Variants in GRM5 observed in about 807,000 individuals in gnomAD.
GRM5 encodes metabotropic glutamate receptor 5.
A neutral mutation model predicts 83.1 loss-of-function variants in GRM5; 19 were observed. That is an observed-to-expected ratio of 0.23 (90% CI 0.16 to 0.34). The LOEUF is 0.34. Ranked by LOEUF, GRM5 falls within the 10% of genes least tolerant of loss-of-function variation. The pLI is 1.00. For missense variants in GRM5, 1,160 were observed against 1,588.3 expected (o/e 0.73, Z 4.58); for synonymous variants, 675 against 633.6 (o/e 1.07, Z -0.98).
intron 2 of GRM5, among the ~76,000 whole-genome samples, chr11:88,903,049 T>G (rs1191912474): frequency 4.0e-5 from 6 of 149,290 alleles, no homozygotes; most frequent in Non-Finnish European, 8.9e-5. Flanking sequence ...TTACTTTAGA[T>G]AAGGTAGCCA....
intron 3 of GRM5, among the ~76,000 whole-genome samples, chr11:88,775,419 T>A (rs967218094): frequency 6.6e-6 from 1 of 152,164 alleles, no homozygotes; most frequent in Non-Finnish European, 1.5e-5. Flanking sequence ...TTTGAAGGGT[T>A]TTTTTGCGTG....
In GRM5 at chr11:88,746,570, C is replaced by CAAAAA. The variant is rs11302390; in HGVS notation, c.912-93172_912-93168dup. 3.3e-4 allele frequency among the ~76,000 whole-genome samples: 48 copies of CAAAAA among 147,608 alleles called. No homozygotes were observed. The East Asian group carries it at 5.4e-3, about 17-fold the overall frequency. On this transcript the variant is annotated intron_variant, in intron 3 of 9. Transcript: ENST00000305447. ...AATTTGGCCTCAATGATTCTGGAGA[C>CAAAAA]AAAAAAAAAAAAATAAGCTTAAGCC...
chr11:88,633,811 G>A (rs10831193), intron 4 of GRM5, among the ~76,000 whole-genome samples: 105,403 of 152,088 alleles, frequency 0.69, 41,798 homozygotes, highest in Non-Finnish European at 0.9. Context: ...ACGAGCCACC[G>A]TAACTAGCTA....
chr11:88,562,861 G>A (rs1942789377), intron 8 of GRM5, among the ~76,000 whole-genome samples: 1 of 152,078 alleles, frequency 6.6e-6, no homozygotes, highest in African/African-American at 2.4e-5. Flanking sequence ...GAGACACAAG[G>A]GCAATTCTTA....
chr11:88,660,491 G>C (rs1029993095), intron 3 of GRM5, among the ~76,000 whole-genome samples: 1 of 152,130 alleles, frequency 6.6e-6, no homozygotes, highest in East Asian at 1.9e-4. Flanking sequence ...ATCCCATGGT[G>C]CTACCTGCCA....
chr11:88,706,925 T>G (rs1298174843), intron 3 of GRM5, among the ~76,000 whole-genome samples: 1 of 152,094 alleles, frequency 6.6e-6, no homozygotes, highest in Non-Finnish European at 1.5e-5. Flanking sequence ...CGATCTTATA[T>G]TTAAGTTTAT....
At chr11:88,637,707 G>C (rs1201257678) in intron 4 of GRM5, among the ~76,000 whole-genome samples, 1 of 146,044 alleles carries the variant, frequency 6.8e-6, no homozygotes, top group East Asian at 2.0e-4. Context: ...ACTGTTGGTG[G>C]GAGTGTAAAC....
chr11:88,888,063 A>G lies in GRM5; in HGVS notation c.662-37908T>C, dbSNP rs551886456. The stretch of plus-strand genomic sequence containing the variant: ...ACCTCCACCATCTCTAAAATTTTCC[A>G]TTCCATCACCTTCTCACTTACCCCT... On this transcript the variant is annotated intron_variant, in intron 2 of 9. Transcript: ENST00000305447. Among the ~76,000 whole-genome samples, 3 of 152,148 alleles carry G rather than the reference A, an allele frequency of 2.0e-5. No homozygotes were observed. In the South Asian group the frequency reaches 6.2e-4, roughly 32 times the overall value.
Position 88,508,616 on chromosome 11 carries a change from G to A in GRM5, c.3615C>T (p.Tyr1205=), listed in dbSNP as rs1565315271. 2 of 1,609,748 alleles carry A rather than the reference G, an allele frequency of 1.2e-6. No homozygotes were observed. Among genetic ancestry groups the A allele is most frequent in the South Asian group, 1.1e-5 (1 of 91,024 alleles). The change falls in exon 10 of 10, where the codon TAC becomes TAT. Residue 1205 remains tyrosine (Y), a synonymous_variant. Coordinates refer to ENST00000305447, the MANE Select transcript of GRM5 (RefSeq NM_001143831.3). The surrounding 1 kb of genome is among the most constrained non-coding windows in gnomAD (Gnocchi z 4.2). The part of the protein sequence containing the change: ...PKYDTLIIRD[Y]TQSSSSL Reference sequence around the variant, plus strand: ...TTCACAACGACGAGGAGCTCTGAGTGTAATCTCTTATGATAAGAGTGTCAT... The same window carrying A: ...TTCACAACGACGAGGAGCTCTGAGTATAATCTCTTATGATAAGAGTGTCAT...
At chr11:88,904,831 T>C (rs1565285769) in intron 2 of GRM5, among the ~76,000 whole-genome samples, 1 of 152,182 alleles carries the variant, frequency 6.6e-6, no homozygotes, top group African/African-American at 2.4e-5. Flanking sequence ...TTGTAGGGAA[T>C]ACCATTCAAT....
intron 2 of GRM5, among the ~76,000 whole-genome samples, chr11:88,886,617 C>G (rs1020405505): frequency 6.6e-6 from 1 of 152,070 alleles, no homozygotes; most frequent in Admixed American, 6.6e-5. Context: ...TGGAAGAAGT[C>G]CTGGTGTACC....
chr11:88,957,090 G>A (rs1938640712), intron 2 of GRM5, among the ~76,000 whole-genome samples: 1 of 152,214 alleles, frequency 6.6e-6, no homozygotes, highest in Non-Finnish European at 1.5e-5. Flanking sequence ...ATGCAAATGT[G>A]AAAGGATGGG....
chr11:88,942,493 A>G (rs1311480426), intron 2 of GRM5, among the ~76,000 whole-genome samples: 1 of 152,036 alleles, frequency 6.6e-6, no homozygotes, highest in African/African-American at 2.4e-5. Flanking sequence ...GGGCATGAAA[A>G]TTGCAGTGGG....
intron 4 of GRM5, among the ~76,000 whole-genome samples, chr11:88,608,865 T>G (rs1004080535): frequency 3.3e-5 from 5 of 152,166 alleles, no homozygotes; most frequent in African/African-American, 1.2e-4. Context: ...TAGAACAATT[T>G]CTGGCACACA....
At chr11:88,893,128 G>A (rs1945175730) in intron 2 of GRM5, among the ~76,000 whole-genome samples, 1 of 150,246 alleles carries the variant, frequency 6.7e-6, no homozygotes, top group African/African-American at 2.5e-5. Context: ...CCTTACAGGA[G>A]GGATAATAGT....
intron 3 of GRM5, among the ~76,000 whole-genome samples, chr11:88,846,194 C>T (rs896426351): frequency 5.3e-5 from 8 of 152,120 alleles, no homozygotes; most frequent in African/African-American, 1.7e-4. Context: ...TGTTAATTTG[C>T]TAAAAACTAG....
chr11:88,617,830 A>T (rs1221673878), intron 4 of GRM5, among the ~76,000 whole-genome samples: 1 of 152,188 alleles, frequency 6.6e-6, no homozygotes, highest in African/African-American at 2.4e-5. Flanking sequence ...GCAGAGGTGA[A>T]AACTAAAGTC....
intron 3 of GRM5, among the ~76,000 whole-genome samples, chr11:88,794,495 A>G (rs1943237742): frequency 6.6e-6 from 1 of 152,156 alleles, no homozygotes; most frequent in Non-Finnish European, 1.5e-5. Flanking sequence ...TTATTTTTTA[A>G]AAAAATATTC....
chr11:88,672,342 C>T (rs1798307211), intron 3 of GRM5, among the ~76,000 whole-genome samples: 1 of 151,854 alleles, frequency 6.6e-6, no homozygotes, highest in Admixed American at 6.6e-5. Flanking sequence ...TGATGACAAA[C>T]ATATTATATC....
Sources: allele counts gnomAD v4.1 joint callset (sites outside exome capture counted in the v4.1 genomes callset), GRCh38; gene constraint gnomAD v4.1.1; non-coding constraint Gnocchi (gnomAD v3.1); transcripts MANE v1.5; gene names NCBI Gene and HGNC (gene_info 2026-07-23, HGNC 2026-07-21).